Variants in WBP1L observed in about 807,000 individuals in gnomAD.
WBP1L encodes the protein WW domain binding protein 1-like.
WBP1L carries 17 observed loss-of-function variants against 33.7 expected under a neutral mutation model. The observed-to-expected ratio is 0.50, with a 90% CI of 0.34 to 0.76. WBP1L has a LOEUF of 0.76. Ranked by LOEUF, WBP1L falls within the 30% of genes least tolerant of loss-of-function variation. The pLI, the probability that WBP1L is intolerant of heterozygous loss-of-function variation, is 0.01. For synonymous variants in WBP1L, 173 were observed against 190.8 expected, an observed-to-expected ratio of 0.91 and a Z score of 0.77; for missense variants, 389 against 469.4, an observed-to-expected ratio of 0.83 and a Z score of 1.58.
At chr10:102,762,599 C>T (rs1378814360) in intron 1 of WBP1L, among the ~76,000 whole-genome samples, 1 of 152,194 alleles carries the variant, frequency 6.6e-6, no homozygotes, top group African/African-American at 2.4e-5. Context: ...TTTTCTTTGA[C>T]ACACACATCC....
At chr10:102,803,860 G>A (rs1376294611) in intron 2 of WBP1L, 1 of 151,998 alleles carries the variant, frequency 6.6e-6, no homozygotes, top group Non-Finnish European at 1.5e-5. Flanking sequence ...TCCTCCCAAA[G>A]TGCTGGGATT....
intron 1 of WBP1L, among the ~76,000 whole-genome samples, chr10:102,756,724 A>G (rs1322209313): frequency 3.9e-5 from 6 of 152,102 alleles, no homozygotes; most frequent in African/African-American, 7.2e-5. Context: ...GCTGGAGTAG[A>G]TAGTGCCACG....
chr10:102,792,615 A>T (rs1590185657), intron 1 of WBP1L, among the ~76,000 whole-genome samples: 4 of 110,014 alleles, frequency 3.6e-5, no homozygotes, highest in Non-Finnish European at 5.3e-5. Flanking sequence ...TTTTTTTGAG[A>T]CAGTGTTTCG....
At chr10:102,808,396 A>G (rs1735893775) in intron 2 of WBP1L, among the ~76,000 whole-genome samples, 1 of 152,210 alleles carries the variant, frequency 6.6e-6, no homozygotes, top group Admixed American at 6.5e-5. Flanking sequence ...TTTGTGCCAC[A>G]CATTTAAAAA....
chr10:102,813,952 C>T lies in WBP1L; in HGVS notation c.*621C>T, dbSNP rs940125723. ...TCCAGGTGACAAGATCTATGCACCC[C>T]ATGCGTCCTTGAGGGGCCTCTTCCC... is the stretch of plus-strand genomic sequence containing the variant. On this transcript the variant is annotated 3_prime_UTR_variant, in exon 4 of 4. Coordinates refer to ENST00000448841, the MANE Select transcript of WBP1L (RefSeq NM_001083913.2). 3 of 152,456 alleles carry T rather than the reference C, an allele frequency of 2.0e-5. No homozygotes were observed. Among genetic ancestry groups the T allele is most frequent in the Non-Finnish European group, 4.4e-5 (3 of 68,266 alleles). 9.4% of individuals were successfully genotyped at this position (152,456 alleles called of 1,614,324 possible).
intron 1 of WBP1L, among the ~76,000 whole-genome samples, chr10:102,751,735 T>A (rs1287735891): frequency 6.6e-6 from 1 of 152,210 alleles, no homozygotes; most frequent in African/African-American, 2.4e-5. Flanking sequence ...AGTGGTCATG[T>A]CATGAGCTCT....
intron 1 of WBP1L, among the ~76,000 whole-genome samples, chr10:102,760,795 G>A (rs1236046979): frequency 6.6e-6 from 1 of 152,192 alleles, no homozygotes; most frequent in East Asian, 1.9e-4. Flanking sequence ...TAGTGCATAT[G>A]CTTACAGTTC....
At chr10:102,809,279 T>C (rs1046418771) in intron 2 of WBP1L, among the ~76,000 whole-genome samples, 1 of 152,092 alleles carries the variant, frequency 6.6e-6, no homozygotes, top group Non-Finnish European at 1.5e-5. Context: ...GGTTTCACCA[T>C]GTTGGCCAGG....
In WBP1L at chr10:102,812,795, A is replaced by G. The variant is rs1269937523; in HGVS notation, c.556A>G (p.Ser186Gly). 6.2e-7 allele frequency: 1 copy of G among 1,605,302 alleles called. No individual in the cohort carries two copies. Among genetic ancestry groups the G allele is most frequent in the African/African-American group, 1.3e-5 (1 of 74,734 alleles). ...ACAGAGCAGCCCCTTGTCTGAGCCC[A>G]GCAGAAGCAGCACAAGACCCCCAAG... The part of the protein sequence containing the change: ...GAQSSPLSEP[S>G]RSSTRPPSIA... The change falls in exon 4 of 4, where the codon AGC becomes GGC. Residue 186 changes from serine to glycine, a missense_variant. Physicochemically the swap from Ser to Gly is moderately conservative, Grantham distance 56 (BLOSUM62 0). Transcript: ENST00000448841.
Position 102,768,471 on chromosome 10 carries a change from C to T in WBP1L, c.90+24328C>T, listed in dbSNP as rs1389039270. Among the ~76,000 whole-genome samples the T allele has an allele frequency of 3.0e-4, 15 of 50,734 alleles. 4 individuals carry two copies. The allele number at this position is 50,734 out of a possible 152,430, so 33.3% of individuals were successfully genotyped here. A position where few individuals can be genotyped will look rare whatever the true frequency, so the allele number is the denominator to read the frequency against. On this transcript the variant is annotated intron_variant, in intron 1 of 3. Coordinates refer to ENST00000448841, the MANE Select transcript of WBP1L (RefSeq NM_001083913.2). ...CGCAATCTCGGCTCACTGCAAGCTCCGCTTCCCGGGTTCAACGCCATTCTC... is the reference window on the plus strand; with the variant it reads ...CGCAATCTCGGCTCACTGCAAGCTCTGCTTCCCGGGTTCAACGCCATTCTC...
At chr10:102,769,193 C>G (rs1843154142) in intron 1 of WBP1L, among the ~76,000 whole-genome samples, 1 of 152,176 alleles carries the variant, frequency 6.6e-6, no homozygotes, top group African/African-American at 2.4e-5. Context: ...CTATGTTGCT[C>G]AGGCTGGTCT....
At chr10:102,764,671 T>A (rs1007459620) in intron 1 of WBP1L, among the ~76,000 whole-genome samples, 1 of 152,170 alleles carries the variant, frequency 6.6e-6, no homozygotes, top group Admixed American at 6.5e-5. Context: ...TACAACTTAT[T>A]GGAGGGATAA....
intron 1 of WBP1L, among the ~76,000 whole-genome samples, chr10:102,795,329 G>A (rs79651858): frequency 6.6e-6 from 1 of 152,146 alleles, no homozygotes; most frequent in African/African-American, 2.4e-5. Context: ...TTTATGATGG[G>A]TTTACCAGAA....
intron 1 of WBP1L, among the ~76,000 whole-genome samples, chr10:102,775,403 G>T (rs1270759841): frequency 1.3e-5 from 2 of 152,092 alleles, no homozygotes; most frequent in South Asian, 4.1e-4. Flanking sequence ...GAGAACTCTT[G>T]TCTCCCTGAG....
intron 1 of WBP1L, among the ~76,000 whole-genome samples, chr10:102,785,223 G>T (rs1252571856): frequency 5.2e-5 from 6 of 114,660 alleles, no homozygotes; most frequent in African/African-American, 2.0e-4. Context: ...CGATCTTGTT[G>T]TCCACCCAGG....
chr10:102,809,949 C>A lies in WBP1L; in HGVS notation c.250C>A (p.His84Asn). Residue 84 changes from histidine (H) to asparagine (N), a missense_variant, in exon 3 of 4, where the codon CAC (histidine) becomes AAC (asparagine). By Grantham distance (68) the His-to-Asn change is moderately conservative (BLOSUM62 1). Transcript: ENST00000448841. The part of the protein sequence containing the change: ...IILSCCCVCH[H>N]RRAKHRLQAQ... ...CCTGAGCTGCTGCTGTGTTTGCCAC[C>A]ACCGCCGAGCCAAGCACCGCCTTCA... 1 of 1,614,014 alleles carries A rather than the reference C, an allele frequency of 6.2e-7. No homozygotes were observed. The highest frequency in any genetic ancestry group is 8.5e-7 in the Non-Finnish European group (1 of 1,180,024).
chr10:102,756,791 G>A (rs1479601061), intron 1 of WBP1L, among the ~76,000 whole-genome samples: 2 of 152,006 alleles, frequency 1.3e-5, no homozygotes, highest in African/African-American at 2.4e-5. Context: ...TCTGCAGGCC[G>A]GGTCCACTGG....
chr10:102,777,561 CTTTTTTTTTTT>C (rs35713577), intron 1 of WBP1L, among the ~76,000 whole-genome samples: 3 of 55,570 alleles, frequency 5.4e-5, no homozygotes, highest in Admixed American at 5.8e-4. Context: ...AAAGGCTGTC[CTTTTTTTTTTT>C]TTTTTTTTTT....
At chr10:102,792,676 C>T (rs575518495) in intron 1 of WBP1L, among the ~76,000 whole-genome samples, 1 of 151,038 alleles carries the variant, frequency 6.6e-6, no homozygotes, top group East Asian at 1.9e-4. Flanking sequence ...CTCACCACAG[C>T]CTCCACCTCC....
Sources: allele counts gnomAD v4.1 joint callset (sites outside exome capture counted in the v4.1 genomes callset), GRCh38; gene constraint gnomAD v4.1.1; transcripts MANE v1.5; gene names NCBI Gene and HGNC (gene_info 2026-07-23, HGNC 2026-07-21).